THRB: variants seen among roughly 807,000 people sequenced by gnomAD.
THRB encodes the protein nuclear receptor subfamily 1 group A member 2.
A neutral mutation model predicts 47.8 loss-of-function variants in THRB; 12 were observed. The ratio of observed to expected loss-of-function variants is 0.25; its 90% confidence interval spans 0.16 to 0.41. The LOEUF is 0.41. THRB is among the 10% of genes least tolerant of loss of function. THRB has a pLI of 1.00. For synonymous variants in THRB, 218 were observed against 212.2 expected, an observed-to-expected ratio of 1.03 and a Z score of -0.24; for missense variants, 348 against 589.2, an observed-to-expected ratio of 0.59 and a Z score of 4.24.
chr3:24,209,018 G>A (rs1175885872), intron 4 of THRB, among the ~76,000 whole-genome samples: 1 of 152,178 alleles, frequency 6.6e-6, no homozygotes, highest in Non-Finnish European at 1.5e-5. Flanking sequence ...TCAAAAAGTG[G>A]TTGAAGGATA....
chr3:24,264,977 C>A (rs574497836), intron 3 of THRB, among the ~76,000 whole-genome samples: 1 of 152,062 alleles, frequency 6.6e-6, no homozygotes, highest in African/African-American at 2.4e-5. Flanking sequence ...TGAGTGATAA[C>A]GCATACTATG....
chr3:24,160,761 A>T (rs1185309061), intron 5 of THRB, among the ~76,000 whole-genome samples: 1 of 152,204 alleles, frequency 6.6e-6, no homozygotes, highest in Non-Finnish European at 1.5e-5. Context: ...AATGCACTTG[A>T]GTGCTGAGAA....
Position 24,332,881 on chromosome 3 carries a change from C to A in THRB, c.-189+4419G>T, listed in dbSNP as rs566414082. Among the ~76,000 whole-genome samples the A allele has an allele frequency of 3.9e-5, 6 of 152,146 alleles. No individual in the cohort carries two copies. In the South Asian group the frequency reaches 1.0e-3, roughly 26 times the overall value. ...ACCATCCTGGCTAACATGGTGAAAC[C>A]CCATCTCTACTAAAAATACAAAAAA... On this transcript the variant is annotated intron_variant, in intron 2 of 10. Transcript: ENST00000646209.
chr3:24,480,841 C>T (rs1226143024), intron 1 of THRB, among the ~76,000 whole-genome samples: 4 of 152,132 alleles, frequency 2.6e-5, no homozygotes, highest in Admixed American at 6.5e-5. Flanking sequence ...AAATAAAAGG[C>T]CAAAGAAAGC....
intron 4 of THRB, among the ~76,000 whole-genome samples, chr3:24,193,588 G>C (rs2043602834): frequency 6.6e-6 from 1 of 152,192 alleles, no homozygotes; most frequent in Non-Finnish European, 1.5e-5. Context: ...AAAGTCAGGT[G>C]TTAATTAGAT....
chr3:24,450,147 C>A (rs954486979), intron 1 of THRB, among the ~76,000 whole-genome samples: 6 of 152,094 alleles, frequency 3.9e-5, no homozygotes, highest in African/African-American at 1.4e-4. Flanking sequence ...AATTAAAAAT[C>A]TCGTTTAATT....
At chr3:24,175,696 T>G (rs981620305) in intron 5 of THRB, among the ~76,000 whole-genome samples, 1 of 152,208 alleles carries the variant, frequency 6.6e-6, no homozygotes, top group Non-Finnish European at 1.5e-5. Flanking sequence ...TAGTCTGATG[T>G]GGCTTGAATA....
chr3:24,439,391 T>G (rs11711197), intron 1 of THRB, among the ~76,000 whole-genome samples: 1 of 152,048 alleles, frequency 6.6e-6, no homozygotes. Flanking sequence ...TGGTCTAATT[T>G]AGAGCCGGAC....
intron 2 of THRB, among the ~76,000 whole-genome samples, chr3:24,301,320 GT>G (rs2056925046): frequency 6.6e-6 from 1 of 152,150 alleles, no homozygotes. Flanking sequence ...AAACTTTTGT[GT>G]TTGTCTGAAA....
intron 1 of THRB, among the ~76,000 whole-genome samples, chr3:24,393,237 G>A (rs1324232166): frequency 3.3e-5 from 5 of 152,152 alleles, no homozygotes; most frequent in Non-Finnish European, 7.4e-5. Flanking sequence ...GAGAAGATCA[G>A]TTATTTTTAT....
chr3:24,229,058 GT>G (rs1251922600), intron 3 of THRB, 57 bp from the exon 4 acceptor site: 1 of 1,084,158 alleles, frequency 9.2e-7, no homozygotes, highest in Admixed American at 1.7e-5. Flanking sequence ...TTCCATAATG[GT>G]TTTGTTCCAA....
intron 1 of THRB, among the ~76,000 whole-genome samples, chr3:24,368,546 G>A (rs531332707): frequency 2.0e-5 from 3 of 152,310 alleles, no homozygotes; most frequent in Admixed American, 2.0e-4. Flanking sequence ...AAGAAATGTT[G>A]AAAATGCTCT....
At chr3:24,279,618 A>G (rs527817353) in intron 3 of THRB, among the ~76,000 whole-genome samples, 37 of 146,596 alleles carry the variant, frequency 2.5e-4, no homozygotes, top group African/African-American at 9.1e-4. Flanking sequence ...GATGGTCTCT[A>G]TCTCCTGACC....
At chr3:24,429,120 T>A (rs887416824) in intron 1 of THRB, among the ~76,000 whole-genome samples, 1 of 151,712 alleles carries the variant, frequency 6.6e-6, no homozygotes, top group Non-Finnish European at 1.5e-5. Context: ...ATTCTATAAG[T>A]TACATTTTAA....
At position 24,332,773 on chromosome 3, in the gene THRB, C is replaced by T. The variant is rs542053941; in HGVS notation, c.-189+4527G>A. Among the ~76,000 whole-genome samples the T allele has an allele frequency of 3.5e-4, 53 of 152,212 alleles. No homozygotes were observed. In the Middle Eastern group the frequency reaches 0.02, roughly 59 times the overall value. On this transcript the variant is annotated intron_variant, in intron 2 of 10. Transcript: ENST00000646209. Reference sequence around the variant, plus strand: ...AGGAAAAGGAGATAAAACTCAAACACGGGCTGGGCGCAGTGGCTCACGCCT... The same window carrying T: ...AGGAAAAGGAGATAAAACTCAAACATGGGCTGGGCGCAGTGGCTCACGCCT...
At chr3:24,492,337 A>G (rs1036727612) in intron 1 of THRB, among the ~76,000 whole-genome samples, 1 of 152,212 alleles carries the variant, frequency 6.6e-6, no homozygotes, top group African/African-American at 2.4e-5. Context: ...TTGCAAATAC[A>G]ATAAAGGAAA....
chr3:24,356,896 A>T lies in THRB; in HGVS notation c.-260-19525T>A, dbSNP rs149680175. On this transcript the variant is annotated intron_variant, in intron 1 of 10. Transcript: ENST00000646209. ...CCTCCTGTCAGACTCCCTTACACCA[A>T]AGATGGTCTCTGATTGCCAGTCATG... Among the ~76,000 whole-genome samples the T allele has an allele frequency of 1.9e-3, 291 of 152,204 alleles. 2 individuals carry two copies. Among genetic ancestry groups the T allele is most frequent in the African/African-American group, 6.6e-3 (274 of 41,550 alleles).
chr3:24,216,593 G>A (rs11706295), intron 4 of THRB, among the ~76,000 whole-genome samples: 62,205 of 150,722 alleles, frequency 0.41, 12,877 homozygotes, highest in Non-Finnish European at 0.43. Flanking sequence ...TGGTGACAGA[G>A]CGAGACTCCG....
At chr3:24,423,873 C>T (rs1416407739) in intron 1 of THRB, among the ~76,000 whole-genome samples, 1 of 151,776 alleles carries the variant, frequency 6.6e-6, no homozygotes, top group Non-Finnish European at 1.5e-5. Context: ...GAGGAAAATT[C>T]TCTGTTCCAA....
Sources: allele counts gnomAD v4.1 joint callset (sites outside exome capture counted in the v4.1 genomes callset), GRCh38; gene constraint gnomAD v4.1.1; transcripts MANE v1.5; gene names NCBI Gene and HGNC (gene_info 2026-07-23, HGNC 2026-07-21).